Variants in QKI observed in about 807,000 individuals in gnomAD.
QKI encodes KH domain-containing RNA-binding protein QKI.
QKI carries 10 observed loss-of-function variants against 39.0 expected under a neutral mutation model. The observed-to-expected ratio is 0.26, with a 90% CI of 0.16 to 0.43. The LOEUF is 0.43. Among genes scored for constraint, QKI ranks in the 20% least tolerant of loss-of-function variants. QKI has a pLI of 1.00. For synonymous variants in QKI, 204 were observed against 155.4 expected (o/e 1.31, Z -2.33); for missense variants, 218 against 428.0 (o/e 0.51, Z 4.33).
chr6:163,493,674 G>C (rs968186257), intron 3 of QKI, among the ~76,000 whole-genome samples: 2 of 152,072 alleles, frequency 1.3e-5, no homozygotes, highest in African/African-American at 4.8e-5. Context: ...GACCACCTTG[G>C]ACCCTTCTCT....
chr6:163,460,411 T>C (rs1791261591), intron 2 of QKI, among the ~76,000 whole-genome samples: 1 of 152,194 alleles, frequency 6.6e-6, no homozygotes, highest in Non-Finnish European at 1.5e-5. Flanking sequence ...GTTAGTAGTT[T>C]AGATTCATAA....
chr6:163,565,253 G>T, intron 6 of QKI: 1 of 986,962 alleles, frequency 1.0e-6, no homozygotes, highest in Non-Finnish European at 1.2e-6. Context: ...CTGTCCTGTG[G>T]TCCCGTGCAT....
At chr6:163,567,933 A>G in intron 7 of QKI, 1 of 985,384 alleles carries the variant, frequency 1.0e-6, no homozygotes, top group South Asian at 4.7e-5. Context: ...TCCACATCAG[A>G]AATAACATGC....
intron 4 of QKI, among the ~76,000 whole-genome samples, chr6:163,555,509 CAAAAAAAAA>C (rs55958646): frequency 1.0e-4 from 8 of 79,390 alleles, no homozygotes; most frequent in African/African-American, 3.2e-4. Flanking sequence ...AACTCCAGCT[CAAAAAAAAA>C]AAAAAAAAAA....
At chr6:163,519,650 G>A (rs915462970) in intron 3 of QKI, among the ~76,000 whole-genome samples, 1 of 151,148 alleles carries the variant, frequency 6.6e-6, no homozygotes. Context: ...TAGAATACAG[G>A]CAGTTGATAG....
At chr6:163,526,174 G>C (rs1780503938) in intron 3 of QKI, among the ~76,000 whole-genome samples, 1 of 152,176 alleles carries the variant, frequency 6.6e-6, no homozygotes, top group Non-Finnish European at 1.5e-5. Context: ...ATCCTGTCTG[G>C]TAGGACCTGG....
At chr6:163,434,861 C>T (rs866003804) in intron 1 of QKI, among the ~76,000 whole-genome samples, 7 of 151,864 alleles carry the variant, frequency 4.6e-5, no homozygotes, top group East Asian at 1.9e-4. Flanking sequence ...CTGACTTTTT[C>T]CCCCCTCAGT....
intron 4 of QKI, among the ~76,000 whole-genome samples, chr6:163,553,955 G>A (rs1310584571): frequency 2.0e-5 from 3 of 152,122 alleles, no homozygotes; most frequent in Admixed American, 6.5e-5. Flanking sequence ...GGTTACACAG[G>A]TATTGAGAAC....
In QKI at chr6:163,478,917, TAA is replaced by T. The variant is rs755295643; in HGVS notation, c.402+22_402+23del. 6 of 1,525,030 alleles carry T rather than the reference TAA, an allele frequency of 3.9e-6. No homozygotes were observed. In the South Asian group the frequency reaches 6.9e-5, roughly 17 times the overall value. 94.5% of individuals were successfully genotyped at this position (1,525,030 alleles called of 1,614,324 possible). A position where few individuals can be genotyped will look rare whatever the true frequency, so the allele number is the denominator to read the frequency against. The stretch of plus-strand genomic sequence containing the variant: ...AAAAGGTAAGTCCTTGAAAATGGAC[TAA>T]GTCTTTATGTGAGTAACTTACTATA... On this transcript the variant is annotated intron_variant, in intron 3 of 7. Coordinates refer to ENST00000361752, the MANE Select transcript of QKI (RefSeq NM_006775.3).
chr6:163,456,683 A>G (rs765762412), intron 2 of QKI, among the ~76,000 whole-genome samples: 3 of 152,184 alleles, frequency 2.0e-5, no homozygotes, highest in Non-Finnish European at 2.9e-5. Context: ...CTCTGGTTTT[A>G]TAGGTATTTT....
chr6:163,557,146 A>G (rs151122571), intron 4 of QKI, among the ~76,000 whole-genome samples: 1 of 152,376 alleles, frequency 6.6e-6, no homozygotes, highest in Non-Finnish European at 1.5e-5. Flanking sequence ...CAGATGAACT[A>G]CAGCGACATG....
chr6:163,429,272 CTAAAA>C (rs1197326375), intron 1 of QKI, among the ~76,000 whole-genome samples: 2 of 151,938 alleles, frequency 1.3e-5, no homozygotes, highest in African/African-American at 4.8e-5. Flanking sequence ...TTGGGAAAAA[CTAAAA>C]TATATCAATT....
chr6:163,430,505 C>T (rs559285702), intron 1 of QKI, among the ~76,000 whole-genome samples: 1 of 152,050 alleles, frequency 6.6e-6, no homozygotes, highest in South Asian at 2.1e-4. Context: ...CCATGTGTTT[C>T]AGTTTTTTTC....
At chr6:163,433,052 G>T (rs1375593017) in intron 1 of QKI, among the ~76,000 whole-genome samples, 1 of 152,156 alleles carries the variant, frequency 6.6e-6, no homozygotes, top group African/African-American at 2.4e-5. Context: ...TTTGTTTTAG[G>T]TTATAGGAAA....
intron 3 of QKI, among the ~76,000 whole-genome samples, chr6:163,493,238 C>T (rs1778176275): frequency 6.6e-6 from 1 of 150,678 alleles, no homozygotes; most frequent in Non-Finnish European, 1.5e-5. Flanking sequence ...TCAAGCGATT[C>T]TCCTGCCTCA....
At chr6:163,486,457 C>T (rs1777688064) in intron 3 of QKI, among the ~76,000 whole-genome samples, 1 of 152,072 alleles carries the variant, frequency 6.6e-6, no homozygotes, top group Non-Finnish European at 1.5e-5. Flanking sequence ...AGGTGGAATT[C>T]TTGAATTTTG....
At chr6:163,538,071 A>G (rs1417605038) in intron 4 of QKI, among the ~76,000 whole-genome samples, 1 of 152,170 alleles carries the variant, frequency 6.6e-6, no homozygotes, top group Non-Finnish European at 1.5e-5. Flanking sequence ...GTTGTTCTGT[A>G]TTTATTTGAA....
chr6:163,544,672 A>G (rs2128244350), intron 4 of QKI, among the ~76,000 whole-genome samples: 1 of 152,238 alleles, frequency 6.6e-6, no homozygotes, highest in South Asian at 2.1e-4. Context: ...TTAACAAAAT[A>G]AACATGGTCT....
rs1445020127 is a variant in QKI, at chr6:163,576,426, ACAC to A, written c.*5720_*5722del. ...TGTTGTTGCCTCTTCTTGGCAAAAG[ACAC>A]CACATTGTGGGAAGATCTCAGCTTC... On this transcript the variant is annotated 3_prime_UTR_variant, in exon 8 of 8. Transcript: ENST00000361752. The A allele has an allele frequency of 6.6e-6, 1 of 152,158 alleles. No individual in the cohort carries two copies. The highest frequency in any genetic ancestry group is 2.4e-5 in the African/African-American group (1 of 41,418). 9.4% of individuals were successfully genotyped at this position (152,158 alleles called of 1,614,324 possible).
Sources: allele counts gnomAD v4.1 joint callset (sites outside exome capture counted in the v4.1 genomes callset), GRCh38; gene constraint gnomAD v4.1.1; transcripts MANE v1.5; gene names NCBI Gene and HGNC (gene_info 2026-07-23, HGNC 2026-07-21).